Variants in KIF16B observed in about 807,000 individuals in gnomAD.
KIF16B encodes the protein kinesin-like protein KIF16B.
A neutral mutation model predicts 156.3 loss-of-function variants in KIF16B; 98 were observed. That is an observed-to-expected ratio of 0.63 (90% CI 0.53 to 0.74). KIF16B has a LOEUF of 0.74. Among genes scored for constraint, KIF16B ranks in the 30% least tolerant of loss-of-function variants. The pLI is 0.00. For missense variants in KIF16B, 1,421 were observed against 1,606.5 expected, an observed-to-expected ratio of 0.88 and a Z score of 1.97; for synonymous variants, 564 against 583.7, an observed-to-expected ratio of 0.97 and a Z score of 0.49.
intron 24 of KIF16B, among the ~76,000 whole-genome samples, chr20:16,325,158 A>G (rs1371928067): frequency 6.6e-6 from 1 of 152,154 alleles, no homozygotes; most frequent in African/African-American, 2.4e-5. Flanking sequence ...ACCTTAAGTT[A>G]GTAAAAGCCA....
rs1205572443 is a variant in KIF16B at position 16,379,506 on chromosome 20, C to G, written c.2496G>C (p.Gln832His). 5 of 1,614,070 alleles carry G rather than the reference C, an allele frequency of 3.1e-6. No homozygotes were observed. The Admixed American group carries it at 8.3e-5, about 27-fold the overall frequency. ...TCTCCAAGTTCACTAGCTTGACAAG[C>G]TGCCTTCTCTTGAATTCGAAGAAAC... is the stretch of plus-strand genomic sequence containing the variant. ...QLRFFEFKRR[Q>H]LVKLVNLEKD... Residue 832 changes from glutamine (Q) to histidine (H), a missense_variant, in exon 19 of 26, where the codon CAG (glutamine) becomes CAC (histidine). Coordinates refer to ENST00000354981, the MANE Select transcript of KIF16B (RefSeq NM_024704.5).
chr20:16,475,977 T>G (rs1215115294), intron 12 of KIF16B, among the ~76,000 whole-genome samples: 1 of 152,238 alleles, frequency 6.6e-6, no homozygotes, highest in Non-Finnish European at 1.5e-5. Flanking sequence ...AATGATTACT[T>G]ATACTAAATT....
chr20:16,296,719 C>T (rs755333741), intron 25 of KIF16B, among the ~76,000 whole-genome samples: 1 of 152,210 alleles, frequency 6.6e-6, no homozygotes, highest in Non-Finnish European at 1.5e-5. Flanking sequence ...ATTACCAACA[C>T]AGCCGTATCT....
At chr20:16,531,610 G>T (rs562265817) in intron 1 of KIF16B, among the ~76,000 whole-genome samples, 1 of 152,216 alleles carries the variant, frequency 6.6e-6, no homozygotes, top group Non-Finnish European at 1.5e-5. Flanking sequence ...ACAAGTGTAA[G>T]TGGGAACACG....
intron 1 of KIF16B, among the ~76,000 whole-genome samples, chr20:16,541,674 G>A (rs62196283): frequency 0.016 from 2,482 of 152,310 alleles, 29 homozygotes; most frequent in Middle Eastern, 0.044. Flanking sequence ...AGACATCTGT[G>A]GGAGTATAGC....
intron 20 of KIF16B, among the ~76,000 whole-genome samples, chr20:16,372,230 A>G (rs1165604035): frequency 1.3e-5 from 2 of 152,242 alleles, no homozygotes; most frequent in Admixed American, 6.5e-5. Flanking sequence ...AAAAATAATA[A>G]GCAAGAAATG....
At chr20:16,320,170 G>A (rs1037041666) in intron 24 of KIF16B, among the ~76,000 whole-genome samples, 1 of 152,068 alleles carries the variant, frequency 6.6e-6, no homozygotes, top group African/African-American at 2.4e-5. Context: ...GGGCACTACA[G>A]GAAATTTTAG....
At chr20:16,286,610 A>G (rs567617726) in intron 25 of KIF16B, among the ~76,000 whole-genome samples, 1 of 152,310 alleles carries the variant, frequency 6.6e-6, no homozygotes. Context: ...TCATATCACA[A>G]TTGAGATTCC....
chr20:16,518,336 C>A (rs2069214907), intron 3 of KIF16B, among the ~76,000 whole-genome samples: 1 of 152,184 alleles, frequency 6.6e-6, no homozygotes, highest in Admixed American at 6.5e-5. Context: ...CTTTATGAGA[C>A]TGACAACTGC....
chr20:16,401,054 G>C lies in KIF16B; in HGVS notation c.1784+3759C>G, dbSNP rs1046169331. Among the ~76,000 whole-genome samples the C allele has an allele frequency of 3.3e-5, 5 of 151,658 alleles. 1 individual carries two copies. The highest frequency in any genetic ancestry group is 7.3e-5 in the African/African-American group (3 of 41,130). Reference sequence around the variant, plus strand: ...TGATGGGCAATTACTTTCTACAGCAGGTGGCAAGTTGCAGGGGCCTGGGAA... The same window carrying C: ...TGATGGGCAATTACTTTCTACAGCACGTGGCAAGTTGCAGGGGCCTGGGAA... On this transcript the variant is annotated intron_variant, in intron 17 of 25. Transcript: ENST00000354981.
chr20:16,517,721 G>A (rs1205228782), intron 3 of KIF16B, among the ~76,000 whole-genome samples: 1 of 152,146 alleles, frequency 6.6e-6, no homozygotes, highest in Non-Finnish European at 1.5e-5. Flanking sequence ...CCAGTTGGAG[G>A]CTCATTTTCA....
chr20:16,426,858 A>T (rs2066366131), intron 15 of KIF16B, among the ~76,000 whole-genome samples: 1 of 152,070 alleles, frequency 6.6e-6, no homozygotes, highest in African/African-American at 2.4e-5. Context: ...TTAACATCTC[A>T]TCTCCATAAC....
At chr20:16,504,577 A>T in intron 9 of KIF16B, 30 bp from the exon 10 acceptor site, 2 of 1,590,392 alleles carry the variant, frequency 1.3e-6, no homozygotes, top group Non-Finnish European at 1.7e-6. Context: ...AAAATAATTT[A>T]TCCAGCACTC....
intron 12 of KIF16B, among the ~76,000 whole-genome samples, chr20:16,460,765 C>T (rs1283025418): frequency 6.6e-6 from 1 of 151,654 alleles, no homozygotes; most frequent in Non-Finnish European, 1.5e-5. Context: ...TTTATTAATA[C>T]AAATATAGTC....
At chr20:16,321,425 G>A (rs1034539188) in intron 24 of KIF16B, among the ~76,000 whole-genome samples, 1 of 152,020 alleles carries the variant, frequency 6.6e-6, no homozygotes, top group Non-Finnish European at 1.5e-5. Flanking sequence ...ATAGCTGGTT[G>A]TATAATCTGG....
rs538256799 is a variant in KIF16B at position 16,493,253 on chromosome 20, T to C, written c.1302+1038A>G. On this transcript the variant is annotated intron_variant, in intron 12 of 25. Coordinates refer to ENST00000354981, the MANE Select transcript of KIF16B (RefSeq NM_024704.5). ...CAACCTCTGATCTCATGAGATACAA[T>C]CTTTCTAACACCTGGTCAAGCCAAG... Among the ~76,000 whole-genome samples the C allele has an allele frequency of 3.7e-3, 569 of 152,310 alleles. 2 individuals carry two copies. Among genetic ancestry groups the C allele is most frequent in the Middle Eastern group, 6.8e-3 (2 of 294 alleles).
At chr20:16,514,794 G>C (rs1234785280) in intron 4 of KIF16B, among the ~76,000 whole-genome samples, 1 of 144,028 alleles carries the variant, frequency 6.9e-6, no homozygotes, top group African/African-American at 2.6e-5. Context: ...GCTGAGGCAG[G>C]AGAATCACTT....
intron 24 of KIF16B, among the ~76,000 whole-genome samples, chr20:16,325,675 G>A (rs968369948): frequency 1.3e-5 from 2 of 151,988 alleles, no homozygotes; most frequent in Admixed American, 1.3e-4. Flanking sequence ...CACATCCCAT[G>A]CTCATAAATG....
At chr20:16,499,355 G>T (rs1259646324) in intron 10 of KIF16B, among the ~76,000 whole-genome samples, 1 of 152,208 alleles carries the variant, frequency 6.6e-6, no homozygotes, top group Non-Finnish European at 1.5e-5. Context: ...CCAGTTAGGG[G>T]TCATTTTCGT....
Sources: allele counts gnomAD v4.1 joint callset (sites outside exome capture counted in the v4.1 genomes callset), GRCh38; gene constraint gnomAD v4.1.1; transcripts MANE v1.5; gene names NCBI Gene and HGNC (gene_info 2026-07-23, HGNC 2026-07-21).